SKIL: variants seen among roughly 807,000 people sequenced by gnomAD.
The protein encoded by SKIL is ski-like protein.
SKIL carries 20 observed loss-of-function variants against 69.6 expected under a neutral mutation model. The observed-to-expected ratio is 0.29, with a 90% CI of 0.20 to 0.42. The LOEUF is 0.42. Among genes scored for constraint, SKIL ranks in the 10% least tolerant of loss-of-function variants. The probability of loss-of-function intolerance (pLI) is 1.00; values close to 1 mark genes in which losing one functional copy is unlikely to be tolerated. For missense variants in SKIL, 745 were observed against 783.1 expected, an observed-to-expected ratio of 0.95 and a Z score of 0.58; for synonymous variants, 310 against 279.9, an observed-to-expected ratio of 1.11 and a Z score of -1.08.
At chr3:170,366,973 G>A (rs534162612) in intron 2 of SKIL, among the ~76,000 whole-genome samples, 3 of 151,912 alleles carry the variant, frequency 2.0e-5, no homozygotes, top group South Asian at 2.1e-4. Context: ...TGAATATTAC[G>A]TTTGTATGAA....
rs1359294020 is a variant in SKIL, at chr3:170,381,117, G to C, written c.1099-127G>C. The C allele has an allele frequency of 6.8e-5, 42 of 621,162 alleles. 1 individual carries two copies. The Admixed American group carries it at 8.8e-4, about 13-fold the overall frequency. 38.5% of individuals were successfully genotyped at this position (621,162 alleles called of 1,614,324 possible). ...GCTGGGAATACAGGTGTGAACCACT[G>C]TGCGTGGCATGATGACTCTTAAATA... On this transcript the variant is annotated intron_variant, in intron 2 of 6. Transcript: ENST00000259119.
intron 2 of SKIL, among the ~76,000 whole-genome samples, chr3:170,364,144 G>C (rs1188199447): frequency 1.3e-5 from 2 of 151,862 alleles, no homozygotes; most frequent in Non-Finnish European, 2.9e-5. Context: ...GTAGAGAGGG[G>C]GTTTCACCAT....
At chr3:170,361,838 G>T (rs1188527653) in intron 2 of SKIL, among the ~76,000 whole-genome samples, 2 of 151,648 alleles carry the variant, frequency 1.3e-5, no homozygotes, top group African/African-American at 4.8e-5. Flanking sequence ...GCCCACCTTG[G>T]CCTCCCAAAG....
At chr3:170,382,455 C>G (rs1329743783) in intron 3 of SKIL, among the ~76,000 whole-genome samples, 2 of 143,918 alleles carry the variant, frequency 1.4e-5, no homozygotes, top group African/African-American at 2.6e-5. Flanking sequence ...CACTGTGTTA[C>G]CCAGACTGGA....
At chr3:170,386,419 C>T (rs1450832543) in intron 4 of SKIL, among the ~76,000 whole-genome samples, 2 of 152,140 alleles carry the variant, frequency 1.3e-5, no homozygotes, top group Admixed American at 6.5e-5. Context: ...CGTGAGCCAT[C>T]GCGCCCGGCC....
At chr3:170,389,993 A>G (rs1273866462) in intron 4 of SKIL, among the ~76,000 whole-genome samples, 1 of 152,206 alleles carries the variant, frequency 6.6e-6, no homozygotes, top group African/African-American at 2.4e-5. Flanking sequence ...AAGTCTTCCA[A>G]TCCATGAATT....
intron 4 of SKIL, among the ~76,000 whole-genome samples, chr3:170,388,655 C>T (rs1023918220): frequency 6.6e-6 from 1 of 151,974 alleles, no homozygotes; most frequent in Non-Finnish European, 1.5e-5. Context: ...GTCTCAAACT[C>T]GTGAGCTTAA....
intron 2 of SKIL, among the ~76,000 whole-genome samples, chr3:170,377,357 T>C (rs6785326): frequency 0.88 from 130,058 of 148,092 alleles, 57,103 homozygotes; most frequent in East Asian, 0.94. Flanking sequence ...CCTGTCCTCC[T>C]AAAGTGCTGG....
At chr3:170,390,503 A>T (rs1737860377) in intron 5 of SKIL, 39 bp downstream of exon 5, 1 of 1,536,104 alleles carries the variant, frequency 6.5e-7, no homozygotes, top group African/African-American at 1.4e-5. Context: ...TTATGAAAAG[A>T]TACTTTTGTA....
At position 170,381,219 on chromosome 3, in the gene SKIL, G is replaced by GT. The variant is rs552556874; in HGVS notation, c.1099-22dup. On this transcript the variant is annotated intron_variant, in intron 2 of 6. Coordinates refer to ENST00000259119, the MANE Select transcript of SKIL (RefSeq NM_005414.5). ...CCTTCACAGTTTTACTTCAATAAAT[G>GT]TTTCCCTTCCATGTTTTTCTGCAGA... is the stretch of plus-strand genomic sequence containing the variant. 185 of 1,259,260 alleles carry GT rather than the reference G, an allele frequency of 1.5e-4. No homozygotes were observed. The African/African-American group carries it at 1.8e-3, about 12-fold the overall frequency. The allele number at this position is 1,259,260 out of a possible 1,614,324, so 78.0% of individuals were successfully genotyped here.
At chr3:170,382,392 A>G (rs1274719997) in intron 3 of SKIL, among the ~76,000 whole-genome samples, 1 of 150,410 alleles carries the variant, frequency 6.6e-6, no homozygotes, top group African/African-American at 2.4e-5. Context: ...AAACTCTTCA[A>G]GAATTTGGTG....
Position 170,360,522 on chromosome 3 carries a change from C to G in SKIL, c.191C>G (p.Thr64Ser). The change falls in exon 2 of 7, where the codon ACT (threonine) becomes AGT (serine). Residue 64 changes from threonine (T) to serine (S), a missense_variant. Physicochemically the swap from Thr to Ser is moderately conservative, Grantham distance 58 (BLOSUM62 1). Transcript: ENST00000259119. ...GACTATGGAGAAGCACCAGTGGAAA[C>G]TGATGGAGAGCATGTTAAGCGAACC... Reference protein sequence around the residue: ...LDDYGEAPVETDGEHVKRTCT... With the variant: ...LDDYGEAPVESDGEHVKRTCT... The G allele has an allele frequency of 6.2e-7, 1 of 1,614,194 alleles. No individual in the cohort carries two copies. Among genetic ancestry groups the G allele is most frequent in the Admixed American group, 1.7e-5 (1 of 60,026 alleles).
intron 2 of SKIL, among the ~76,000 whole-genome samples, chr3:170,371,708 G>C (rs1458625620): frequency 6.6e-6 from 1 of 152,112 alleles, no homozygotes; most frequent in Non-Finnish European, 1.5e-5. Context: ...CCCAGTGATC[G>C]TACTGGTACC....
chr3:170,390,240 A>G lies in SKIL; in HGVS notation c.1447A>G (p.Asn483Asp), dbSNP rs371839011. The G allele has an allele frequency of 1.2e-5, 19 of 1,611,092 alleles. No individual in the cohort carries two copies. The African/African-American group carries it at 2.5e-4, about 22-fold the overall frequency. The change falls in exon 5 of 7, where the codon AAT becomes GAT. Residue 483 changes from asparagine (N) to aspartate (D), a missense_variant. By Grantham distance (23) the Asn-to-Asp change is conservative. Transcript: ENST00000259119. Reference protein sequence around the residue: ...CSRLDASISNNSTSKRKSESA... With the variant: ...CSRLDASISNDSTSKRKSESA... ...TCTCCAAGATGCATCAATCTCAAAT[A>G]ATTCTACAAGTAAAAGGAAATCTGA... is the stretch of plus-strand genomic sequence containing the variant.
At chr3:170,374,978 A>G (rs1391399996) in intron 2 of SKIL, among the ~76,000 whole-genome samples, 3 of 152,242 alleles carry the variant, frequency 2.0e-5, no homozygotes, top group Non-Finnish European at 4.4e-5. Flanking sequence ...TTGGGAATTA[A>G]TGAGCTGCAC....
At position 170,361,344 on chromosome 3, in the gene SKIL, C is replaced by G. The variant is rs200382890; in HGVS notation, c.1013C>G (p.Thr338Arg). 13 of 1,611,688 alleles carry G rather than the reference C, an allele frequency of 8.1e-6. No homozygotes were observed. The Admixed American group carries it at 1.3e-4, about 17-fold the overall frequency. ...CATGTGAACCAAAAATACTTAGGAACACCTGAAGAAAAGAAACTGAAGATA... is the reference window on the plus strand; with the variant it reads ...CATGTGAACCAAAAATACTTAGGAAGACCTGAAGAAAAGAAACTGAAGATA... ...YLHVNQKYLG[T>R]PEEKKLKIIL... The change falls in exon 2 of 7, where the codon ACA becomes AGA. Residue 338 changes from threonine (T) to arginine (R), a missense_variant. Coordinates refer to ENST00000259119, the MANE Select transcript of SKIL (RefSeq NM_005414.5).
At position 170,395,578 on chromosome 3, in the gene SKIL, A is replaced by C. The variant is rs1163347371; in HGVS notation, c.*3161A>C. 1 of 152,090 alleles carries C rather than the reference A, an allele frequency of 6.6e-6. No individual in the cohort carries two copies. Among genetic ancestry groups the C allele is most frequent in the East Asian group, 1.9e-4 (1 of 5,206 alleles). 9.4% of individuals were successfully genotyped at this position (152,090 alleles called of 1,614,324 possible). A position where few individuals can be genotyped will look rare whatever the true frequency, so the allele number is the denominator to read the frequency against. On this transcript the variant is annotated 3_prime_UTR_variant, in exon 7 of 7. Transcript: ENST00000259119. ...AGGTAGCTTCTGTTTGAAGGAAGGT[A>C]AAGTTATAAGGAAACTCAAATACTA...
In SKIL at chr3:170,394,581, G is replaced by A. The variant is rs1738099777; in HGVS notation, c.*2164G>A. On this transcript the variant is annotated 3_prime_UTR_variant, in exon 7 of 7. Transcript: ENST00000259119. ...GAAATATGTTATTGGAAAATTTTAA[G>A]CAGTGCTTAAACACCATTAAATTAT... 6.6e-6 allele frequency: 1 copy of A among 152,022 alleles called. No individual in the cohort carries two copies. The highest frequency in any genetic ancestry group is 2.1e-4 in the South Asian group (1 of 4,832). 9.4% of individuals were successfully genotyped at this position (152,022 alleles called of 1,614,324 possible).
At chr3:170,371,915 T>TA (rs2108903082) in intron 2 of SKIL, among the ~76,000 whole-genome samples, 1 of 152,326 alleles carries the variant, frequency 6.6e-6, no homozygotes, top group East Asian at 1.9e-4. Flanking sequence ...ATAGGAAGAT[T>TA]AATCAATCTC....
Sources: allele counts gnomAD v4.1 joint callset (sites outside exome capture counted in the v4.1 genomes callset), GRCh38; gene constraint gnomAD v4.1.1; transcripts MANE v1.5; gene names NCBI Gene and HGNC (gene_info 2026-07-23, HGNC 2026-07-21).